The following AAGAB variants were observed in gnomAD, a reference collection of about 807,000 sequenced individuals.
The protein encoded by AAGAB is alpha- and gamma-adaptin-binding protein p34.
A neutral mutation model predicts 44.1 loss-of-function variants in AAGAB; 38 were observed. The observed-to-expected ratio is 0.86, with a 90% confidence interval of 0.67 to 1.13. AAGAB has a LOEUF of 1.13. Among genes scored for constraint, AAGAB ranks in the 50% most tolerant of loss-of-function variants. AAGAB has a pLI of 0.00. For missense variants in AAGAB, 450 were observed against 373.8 expected, an observed-to-expected ratio of 1.20 and a Z score of -1.68; for synonymous variants, 131 against 131.8, an observed-to-expected ratio of 0.99 and a Z score of 0.04.
At chr15:67,238,826 G>T (rs1964529707) in intron 1 of AAGAB, among the ~76,000 whole-genome samples, 1 of 151,962 alleles carries the variant, frequency 6.6e-6, no homozygotes, top group African/African-American at 2.4e-5. Context: ...CTCCCCAGTA[G>T]CTGGGACTAC....
chr15:67,244,713 A>C (rs1964679930), intron 1 of AAGAB, among the ~76,000 whole-genome samples: 1 of 152,114 alleles, frequency 6.6e-6, no homozygotes, highest in Admixed American at 6.5e-5. Flanking sequence ...CTGAGGCACA[A>C]GAATTGCTTG....
intron 7 of AAGAB, among the ~76,000 whole-genome samples, chr15:67,204,508 C>T (rs996880990): frequency 4.6e-5 from 7 of 152,114 alleles, no homozygotes; most frequent in Non-Finnish European, 7.4e-5. Flanking sequence ...CACTGATTCA[C>T]CAATAATGAC....
chr15:67,254,800 C>G, upstream of AAGAB: 2 of 1,405,808 alleles, frequency 1.4e-6, no homozygotes, highest in Admixed American at 3.9e-5. Context: ...CAGGCCAGGT[C>G]GCGCGCGGTG....
At chr15:67,234,968 C>T (rs528789763) in intron 4 of AAGAB, among the ~76,000 whole-genome samples, 3 of 152,186 alleles carry the variant, frequency 2.0e-5, no homozygotes, top group South Asian at 2.1e-4. Flanking sequence ...TAAATAAAAC[C>T]AGAATATAGA....
rs1376181536 is a variant in AAGAB, at chr15:67,248,529, C to T, written c.73+6030G>A. Among the ~76,000 whole-genome samples, 3 of 152,314 alleles carry T rather than the reference C, an allele frequency of 2.0e-5. No homozygotes were observed. In the East Asian group the frequency reaches 5.8e-4, roughly 29 times the overall value. ...CTTAAAGAAGCTACAGAAAAACACA[C>T]ATTTGAAGACTCAAGCTTTTATCCC... On this transcript the variant is annotated intron_variant, in intron 1 of 9. Transcript: ENST00000261880.
At chr15:67,251,405 G>A (rs529812794) in intron 1 of AAGAB, among the ~76,000 whole-genome samples, 4 of 152,140 alleles carry the variant, frequency 2.6e-5, no homozygotes, top group Non-Finnish European at 4.4e-5. Context: ...CACTATGCCC[G>A]GCTAATTTGT....
intron 1 of AAGAB, among the ~76,000 whole-genome samples, chr15:67,244,820 T>TAA (rs988288048): frequency 7.2e-6 from 1 of 139,358 alleles, no homozygotes. Context: ...ATAAAATAGT[T>TAA]AAAAAAAAAA....
At chr15:67,246,611 C>T (rs1964729414) in intron 1 of AAGAB, among the ~76,000 whole-genome samples, 1 of 152,088 alleles carries the variant, frequency 6.6e-6, no homozygotes, top group South Asian at 2.1e-4. Flanking sequence ...TGGGGACTAG[C>T]TAAAGGATTG....
Position 67,202,088 on chromosome 15 carries a change from C to A in AAGAB, c.*733G>T, listed in dbSNP as rs939110336. 1 of 152,296 alleles carries A rather than the reference C, an allele frequency of 6.6e-6. No individual in the cohort carries two copies. The highest frequency in any genetic ancestry group is 1.5e-5 in the Non-Finnish European group (1 of 68,032). 9.4% of individuals were successfully genotyped at this position (152,296 alleles called of 1,614,324 possible). On this transcript the variant is annotated 3_prime_UTR_variant, in exon 10 of 10. Transcript: ENST00000261880. ...TGTTATCACATACTGTCTCCATGGC[C>A]CATACAAGGACTCCTTAAGGTTCTC...
chr15:67,231,996 G>A (rs1422946711), intron 4 of AAGAB, 99 bp from the exon 5 acceptor site: 3 of 963,264 alleles, frequency 3.1e-6, no homozygotes, highest in Non-Finnish European at 4.8e-6. Context: ...GCTCATGCCT[G>A]TAATCCCAGC....
chr15:67,239,453 CT>C (rs1964545988), intron 1 of AAGAB, among the ~76,000 whole-genome samples: 1 of 152,170 alleles, frequency 6.6e-6, no homozygotes, highest in Admixed American at 6.5e-5. Context: ...GTTTCTTTCT[CT>C]TTTCTCCAAA....
chr15:67,253,314 G>A (rs1596025538), intron 1 of AAGAB, among the ~76,000 whole-genome samples: 1 of 146,662 alleles, frequency 6.8e-6, no homozygotes, highest in Non-Finnish European at 1.5e-5. Flanking sequence ...TGTAGTCCCA[G>A]ATACTTGGGA....
chr15:67,227,061 C>T (rs1323568636), intron 5 of AAGAB: 1 of 160,458 alleles, frequency 6.2e-6, no homozygotes, highest in Non-Finnish European at 1.4e-5. Context: ...TCAAATTGAG[C>T]ATATTTAAAT....
chr15:67,233,811 T>C (rs546974610), intron 4 of AAGAB, among the ~76,000 whole-genome samples: 149 of 152,264 alleles, frequency 9.8e-4, no homozygotes, highest in African/African-American at 3.5e-3. Context: ...ACGGCAGGAA[T>C]CTTGTCTTAC....
At position 67,213,477 on chromosome 15, in the gene AAGAB, A is replaced by G. The variant is rs185374847; in HGVS notation, c.536-3933T>C. 3.1e-3 allele frequency among the ~76,000 whole-genome samples: 471 copies of G among 152,314 alleles called. 3 individuals are homozygous for G. The highest frequency in any genetic ancestry group is 0.011 in the African/African-American group (454 of 41,582). ...ATCTCTCATAGCAATTTTGACTTAC[A>G]TGAAACATTTAGAGAATTCAAAACC... On this transcript the variant is annotated intron_variant, in intron 5 of 9. Coordinates refer to ENST00000261880, the MANE Select transcript of AAGAB (RefSeq NM_024666.5).
intron 1 of AAGAB, among the ~76,000 whole-genome samples, chr15:67,247,930 C>T (rs1242027572): frequency 1.3e-5 from 2 of 152,214 alleles, no homozygotes; most frequent in Non-Finnish European, 2.9e-5. Flanking sequence ...TCTGAATCCA[C>T]ACAGTCTAGT....
rs747410800 is a variant in AAGAB, at chr15:67,236,799, A to C, written c.95T>G (p.Leu32Arg). Residue 32 changes from leucine (L) to arginine (R), a missense_variant, in exon 2 of 10, where the codon CTT becomes CGT. Coordinates refer to ENST00000261880, the MANE Select transcript of AAGAB (RefSeq NM_024666.5). ...LVQHILGTEDLIVEVTSNDAV... is the reference protein window; with the variant it reads ...LVQHILGTEDRIVEVTSNDAV... ...ATCATTGGAAGTCACTTCCACAATA[A>C]GATCTTCTGTTCCAAGGATATCTAA... The C allele has an allele frequency of 1.9e-6, 3 of 1,611,044 alleles. No individual in the cohort carries two copies. Among genetic ancestry groups the C allele is most frequent in the Non-Finnish European group, 2.5e-6 (3 of 1,178,878 alleles).
intron 5 of AAGAB, among the ~76,000 whole-genome samples, chr15:67,210,966 A>AT (rs1179548715): frequency 3.9e-5 from 6 of 152,168 alleles, no homozygotes; most frequent in African/African-American, 1.4e-4. Flanking sequence ...ACCTACTCGC[A>AT]TCTCTCTTTC....
intron 5 of AAGAB, among the ~76,000 whole-genome samples, chr15:67,224,585 CTTTT>C (rs892410820): frequency 1.4e-5 from 2 of 138,826 alleles, no homozygotes; most frequent in African/African-American, 2.6e-5. Flanking sequence ...TTTTTCTTTT[CTTTT>C]TTTTTTTTTT....
Sources: allele counts gnomAD v4.1 joint callset (sites outside exome capture counted in the v4.1 genomes callset), GRCh38; gene constraint gnomAD v4.1.1; transcripts MANE v1.5; gene names NCBI Gene and HGNC (gene_info 2026-07-23, HGNC 2026-07-21).